Variants in SLC4A5 observed in about 807,000 individuals in gnomAD.
The protein encoded by SLC4A5 is electrogenic sodium bicarbonate cotransporter 4.
A neutral mutation model predicts 120.4 loss-of-function variants in SLC4A5; 96 were observed. The ratio of observed to expected loss-of-function variants is 0.80; its 90% confidence interval spans 0.68 to 0.94. SLC4A5 has a LOEUF of 0.94. SLC4A5 is among the 40% of genes least tolerant of loss of function. SLC4A5 has a pLI of 0.00. For synonymous variants in SLC4A5, 550 were observed against 571.1 expected (o/e 0.96, Z 0.53); for missense variants, 1,259 against 1,459.5 (o/e 0.86, Z 2.24).
chr2:74,248,813 C>A (rs988635867), intron 17 of SLC4A5, among the ~76,000 whole-genome samples: 3 of 152,190 alleles, frequency 2.0e-5, no homozygotes, highest in Non-Finnish European at 2.9e-5. Context: ...ATTATTCATT[C>A]ATCTAAACAT....
intron 6 of SLC4A5, among the ~76,000 whole-genome samples, chr2:74,305,515 G>A (rs1483588376): frequency 3.3e-5 from 5 of 152,050 alleles, no homozygotes; most frequent in Non-Finnish European, 7.4e-5. Context: ...TATAATTAAT[G>A]AGCCAATACT....
At chr2:74,305,507 T>A (rs1672614043) in intron 6 of SLC4A5, among the ~76,000 whole-genome samples, 2 of 152,190 alleles carry the variant, frequency 1.3e-5, no homozygotes. Flanking sequence ...GCATTTGTTA[T>A]AATTAATGAG....
At chr2:74,272,628 G>A (rs907481013) in intron 8 of SLC4A5, among the ~76,000 whole-genome samples, 2 of 152,314 alleles carry the variant, frequency 1.3e-5, no homozygotes, top group Admixed American at 6.5e-5. Context: ...GCCAGGGTGG[G>A]CACCAGGTGC....
At chr2:74,304,990 G>A (rs1011386807) in intron 6 of SLC4A5, among the ~76,000 whole-genome samples, 1 of 152,178 alleles carries the variant, frequency 6.6e-6, no homozygotes, top group African/African-American at 2.4e-5. Context: ...CGTGGTTAAG[G>A]GGAAAGTCCC....
exon 17 of SLC4A5, chr2:74,250,417 A>C (rs377674391): frequency 6.2e-7 from 1 of 1,614,084 alleles, no homozygotes; most frequent in Admixed American, 1.7e-5. Context: ...AGGTAGATGA[A>C]TAGGATGGCA....
At chr2:74,276,815 G>T (rs761157070) in intron 8 of SLC4A5, among the ~76,000 whole-genome samples, 7 of 149,144 alleles carry the variant, frequency 4.7e-5, no homozygotes, top group Non-Finnish European at 7.4e-5. Context: ...AAGTTGGACA[G>T]ATCAGATTCT....
At chr2:74,297,488 T>A (rs998107486) in intron 7 of SLC4A5, among the ~76,000 whole-genome samples, 4 of 152,164 alleles carry the variant, frequency 2.6e-5, no homozygotes, top group Admixed American at 6.5e-5. Flanking sequence ...ATACTGAGAC[T>A]CCAGGGTCTA....
At chr2:74,222,980 T>C (rs1425418829) in intron 28 of SLC4A5, 28 bp from the exon 29 acceptor site, 2 of 1,471,698 alleles carry the variant, frequency 1.4e-6, no homozygotes, top group Non-Finnish European at 1.9e-6. Flanking sequence ...GAAAAGAGGA[T>C]AAACACCAAC....
intron 25 of SLC4A5, 33 bp from the exon 26 acceptor site, chr2:74,227,911 T>G: frequency 2.6e-6 from 4 of 1,551,378 alleles, no homozygotes; most frequent in Non-Finnish European, 3.5e-6. Context: ...GATCGGCCTC[T>G]GCCTGGGGCG....
intron 11 of SLC4A5, among the ~76,000 whole-genome samples, chr2:74,259,912 G>A (rs895162061): frequency 1.3e-5 from 2 of 152,060 alleles, no homozygotes; most frequent in Admixed American, 6.5e-5. Context: ...CCACCCCAAC[G>A]TCTTGGATGT....
chr2:74,245,727 G>A (rs147698542), intron 19 of SLC4A5, among the ~76,000 whole-genome samples: 20 of 152,324 alleles, frequency 1.3e-4, no homozygotes, highest in African/African-American at 4.3e-4. Context: ...CTGAAGGCAG[G>A]ACATCTTTAT....
chr2:74,220,578 G>A (rs531881147), intron 30 of SLC4A5, among the ~76,000 whole-genome samples: 8 of 151,744 alleles, frequency 5.3e-5, no homozygotes, highest in South Asian at 4.2e-4. Flanking sequence ...GTGCAGTGGC[G>A]TGATCTCGGC....
At chr2:74,286,930 T>C (rs1263090261) in intron 7 of SLC4A5, among the ~76,000 whole-genome samples, 2 of 152,184 alleles carry the variant, frequency 1.3e-5, no homozygotes, top group Non-Finnish European at 2.9e-5. Flanking sequence ...GATGTCAAAG[T>C]GGTGACCAAT....
chr2:74,339,581 G>A (rs1179005285), intron 2 of SLC4A5: 2 of 152,276 alleles, frequency 1.3e-5, no homozygotes, highest in African/African-American at 4.8e-5. Context: ...CTTCCTGGGA[G>A]GGGAACTTGG....
chr2:74,224,178 T>G (rs1304025570), intron 28 of SLC4A5, among the ~76,000 whole-genome samples: 1 of 152,216 alleles, frequency 6.6e-6, no homozygotes. Context: ...CCTCATGTTT[T>G]GTGATTCACT....
intron 8 of SLC4A5, among the ~76,000 whole-genome samples, chr2:74,265,751 G>T (rs763390907): frequency 2.6e-5 from 4 of 152,152 alleles, no homozygotes; most frequent in Non-Finnish European, 4.4e-5. Flanking sequence ...TTCTCCCTGA[G>T]TTCCCCTGCA....
At chr2:74,263,751 T>G (rs1251340437) in intron 10 of SLC4A5, among the ~76,000 whole-genome samples, 10 of 152,194 alleles carry the variant, frequency 6.6e-5, no homozygotes, top group Admixed American at 6.5e-4. Flanking sequence ...TAGCAAGCCA[T>G]CTCTACCAGC....
chr2:74,321,104 G>A (rs1216188139), intron 5 of SLC4A5, among the ~76,000 whole-genome samples: 1 of 152,152 alleles, frequency 6.6e-6, no homozygotes, highest in African/African-American at 2.4e-5. Flanking sequence ...CAATGTCAGT[G>A]CCATGTTGGT....
chr2:74,222,886 C>A (rs750615240), exon 29 of SLC4A5: 1 of 1,613,308 alleles, frequency 6.2e-7, no homozygotes, highest in Non-Finnish European at 8.5e-7. Flanking sequence ...CAGTGGATAC[C>A]GTTTTGGGGA....
Sources: gnomAD v4.1 joint callset for allele counts (sites outside exome capture counted in the v4.1 genomes callset) on GRCh38, gnomAD v4.1.1 for gene constraint, MANE v1.5 for transcripts, NCBI Gene and HGNC (gene_info 2026-07-23, HGNC 2026-07-21) for gene names.